The following FIGN variants were observed in gnomAD, a reference collection of about 807,000 sequenced individuals.
The protein encoded by FIGN is fidgetin, microtubule severing factor.
FIGN carries 11 observed loss-of-function variants against 51.3 expected under a neutral mutation model. The observed-to-expected ratio is 0.21, with a 90% CI of 0.13 to 0.35. FIGN has a LOEUF of 0.35. Among genes scored for constraint, FIGN ranks in the 10% least tolerant of loss-of-function variants. FIGN has a pLI of 1.00. For synonymous variants in FIGN, 407 were observed against 363.2 expected, an observed-to-expected ratio of 1.12 and a Z score of -1.37; for missense variants, 857 against 943.6, an observed-to-expected ratio of 0.91 and a Z score of 1.20.
intron 2 of FIGN, among the ~76,000 whole-genome samples, chr2:163,668,624 G>A (rs970080625): frequency 5.9e-5 from 9 of 152,120 alleles, no homozygotes; most frequent in Non-Finnish European, 1.2e-4. Flanking sequence ...TTAAAGCAAA[G>A]TTTTAAATAG....
At chr2:163,720,002 C>G (rs552988147) in intron 2 of FIGN, among the ~76,000 whole-genome samples, 244 of 152,150 alleles carry the variant, frequency 1.6e-3, no homozygotes, top group African/African-American at 5.5e-3. Flanking sequence ...CTAAGTAGCC[C>G]AGTTGTCCAA....
chr2:163,733,728 C>T (rs1278421354), intron 2 of FIGN, among the ~76,000 whole-genome samples: 1 of 152,154 alleles, frequency 6.6e-6, no homozygotes, highest in African/African-American at 2.4e-5. Flanking sequence ...GCTCAATAGT[C>T]ACCAGAGTCC....
At chr2:163,641,249 A>G (rs1285728931) in intron 2 of FIGN, among the ~76,000 whole-genome samples, 1 of 152,216 alleles carries the variant, frequency 6.6e-6, no homozygotes, top group East Asian at 1.9e-4. Context: ...AAAAGCTAGA[A>G]TTGTGCAGTT....
At position 163,610,862 on chromosome 2, in the gene FIGN, C is replaced by A; in HGVS notation, c.970G>T (p.Ala324Ser). ...CTGGAGTCCATATCTCCTTGCCCTG[C>A]CATGTAGAAAGCTTTCCTTTTGAGA... is the stretch of plus-strand genomic sequence containing the variant. The part of the protein sequence containing the change: ...SSLKRKAFYM[A>S]GQGDMDSSYG... The change falls in exon 3 of 3, where the codon GCA becomes TCA. Residue 324 changes from alanine to serine, a missense_variant. Around this residue, in one of 3 missense-constraint regions of FIGN, gnomAD observed 799 missense variants for 849.5 expected, o/e 0.94. Transcript: ENST00000333129. The A allele has an allele frequency of 6.2e-7, 1 of 1,613,792 alleles. No homozygotes were observed. The highest frequency in any genetic ancestry group is 8.5e-7 in the Non-Finnish European group (1 of 1,179,952).
In FIGN at chr2:163,610,150, C is replaced by T; in HGVS notation, c.1682G>A (p.Gly561Glu). ...GGCATGGATAATTTTCTCTGCTTCT[C>T]CTAACCACTTGGCGACTAGTCCAGA... ...AGSGLVAKWLGEAEKIIHASF... is the reference protein window; with the variant it reads ...AGSGLVAKWLEEAEKIIHASF... Residue 561 changes from glycine (G) to glutamate (E), a missense_variant, in exon 3 of 3, where the codon GGA (glycine) becomes GAA (glutamate). By Grantham distance (98) the Gly-to-Glu change is moderately conservative. Coordinates refer to ENST00000333129, the MANE Select transcript of FIGN (RefSeq NM_018086.4). 2 of 1,614,118 alleles carry T rather than the reference C, an allele frequency of 1.2e-6. No individual in the cohort carries two copies. The highest frequency in any genetic ancestry group is 1.7e-6 in the Non-Finnish European group (2 of 1,180,008).
chr2:163,655,804 C>CAGAGAGAGAGAGAG (rs3058760), intron 2 of FIGN, among the ~76,000 whole-genome samples: 2 of 145,780 alleles, frequency 1.4e-5, no homozygotes, highest in African/African-American at 5.1e-5. Flanking sequence ...CACACACACA[C>CAGAGAGAGAGAGAG]AGAGAGAGAG....
intron 2 of FIGN, among the ~76,000 whole-genome samples, chr2:163,661,689 G>A (rs1683687157): frequency 6.6e-6 from 1 of 152,160 alleles, no homozygotes. Flanking sequence ...CCAGGGGGAG[G>A]TAACTGAATT....
At chr2:163,705,723 A>G (rs1684489294) in intron 2 of FIGN, among the ~76,000 whole-genome samples, 1 of 151,770 alleles carries the variant, frequency 6.6e-6, no homozygotes, top group Non-Finnish European at 1.5e-5. Flanking sequence ...CTTTTATTAT[A>G]ATGGTTTTAC....
At position 163,609,873 on chromosome 2, in the gene FIGN, A is replaced by G. The variant is rs1217985236; in HGVS notation, c.1959T>C (p.Pro653=). 1 of 1,614,176 alleles carries G rather than the reference A, an allele frequency of 6.2e-7. No individual in the cohort carries two copies. The highest frequency in any genetic ancestry group is 1.7e-5 in the Admixed American group (1 of 60,026). Residue 653 remains proline (P), a synonymous_variant, in exon 3 of 3, where the codon CCT becomes CCC. Transcript: ENST00000333129. Reference sequence around the variant, plus strand: ...TTATCTGGTGCCTCGCTGTGCTGTCAGGAAGTGGGATTAAAAGTCGTTTCA... The same window carrying G: ...TTATCTGGTGCCTCGCTGTGCTGTCGGGAAGTGGGATTAAAAGTCGTTTCA... ...YFMKRLLIPL[P]DSTARHQIIV...
intron 2 of FIGN, among the ~76,000 whole-genome samples, chr2:163,622,299 C>CA (rs2105306109): frequency 6.6e-6 from 1 of 152,108 alleles, no homozygotes; most frequent in South Asian, 2.1e-4. Flanking sequence ...CATGTCACTG[C>CA]ACTCCAGCCT....
chr2:163,710,623 C>T (rs1684572535), intron 2 of FIGN, among the ~76,000 whole-genome samples: 1 of 152,184 alleles, frequency 6.6e-6, no homozygotes, highest in Non-Finnish European at 1.5e-5. Context: ...AGACTTTGTG[C>T]TGCCTGACTA....
At chr2:163,665,920 T>A (rs181236664) in intron 2 of FIGN, among the ~76,000 whole-genome samples, 79 of 152,320 alleles carry the variant, frequency 5.2e-4, no homozygotes, top group Non-Finnish European at 8.7e-4. Flanking sequence ...CAAAGTGCTT[T>A]AGGATTTAGG....
chr2:163,609,786 G>C lies in FIGN; in HGVS notation c.2046C>G (p.Val682=). 3.1e-6 allele frequency: 5 copies of C among 1,614,168 alleles called. No homozygotes were observed. The highest frequency in any genetic ancestry group is 3.4e-6 in the Non-Finnish European group (4 of 1,180,024). ...CLNDKEFALL[V]QRTEGFSGLD... ...GTCCAGAAAAGCCTTCTGTGCGCTG[G>C]ACGAGCAGTGCAAACTCCTTGTCAT... The change falls in exon 3 of 3, where the codon GTC becomes GTG. Residue 682 remains valine (V), a synonymous_variant. Coordinates refer to ENST00000333129, the MANE Select transcript of FIGN (RefSeq NM_018086.4).
intron 2 of FIGN, among the ~76,000 whole-genome samples, chr2:163,658,641 G>A (rs1476564438): frequency 1.3e-5 from 2 of 152,014 alleles, no homozygotes; most frequent in African/African-American, 2.4e-5. Flanking sequence ...GGAGATGCCT[G>A]GCTTTTTTCA....
At chr2:163,662,609 G>C (rs1328195295) in intron 2 of FIGN, among the ~76,000 whole-genome samples, 1 of 152,150 alleles carries the variant, frequency 6.6e-6, no homozygotes, top group South Asian at 2.1e-4. Context: ...GTGGTTCTGG[G>C]GGCCGGGCCC....
chr2:163,717,130 A>T (rs938631034), intron 2 of FIGN, among the ~76,000 whole-genome samples: 1 of 152,164 alleles, frequency 6.6e-6, no homozygotes, highest in Non-Finnish European at 1.5e-5. Context: ...TAAAAAGAGG[A>T]TTCTCCTACC....
intron 2 of FIGN, among the ~76,000 whole-genome samples, chr2:163,706,570 G>T (rs1040755018): frequency 1.3e-5 from 2 of 152,118 alleles, no homozygotes; most frequent in African/African-American, 4.8e-5. Flanking sequence ...TTCAGATTTA[G>T]ACTGAGCTAA....
chr2:163,683,837 T>C (rs1435343558), intron 2 of FIGN, among the ~76,000 whole-genome samples: 1 of 152,200 alleles, frequency 6.6e-6, no homozygotes, highest in Non-Finnish European at 1.5e-5. Context: ...CATGTTTTAA[T>C]GAACTATCTT....
At chr2:163,709,009 T>A (rs933739090) in intron 2 of FIGN, among the ~76,000 whole-genome samples, 9 of 151,646 alleles carry the variant, frequency 5.9e-5, no homozygotes, top group Non-Finnish European at 1.3e-4. Context: ...CTGAAGAGTC[T>A]AAGGTACCGT....
Sources: gnomAD v4.1 joint callset for allele counts (sites outside exome capture counted in the v4.1 genomes callset) on GRCh38, gnomAD v4.1.1 for gene constraint, gnomAD v4.1.1 regional missense constraint, MANE v1.5 for transcripts, NCBI Gene and HGNC (gene_info 2026-07-23, HGNC 2026-07-21) for gene names.